Variants in POLR3A observed in about 807,000 individuals in gnomAD.
The protein encoded by POLR3A is DNA-directed RNA polymerase III subunit RPC1.
Under a neutral mutation model 152.8 loss-of-function variants are expected in POLR3A, and 112 were observed. The ratio of observed to expected loss-of-function variants is 0.73; its 90% CI spans 0.63 to 0.86. POLR3A has a LOEUF of 0.86. Among genes scored for constraint, POLR3A ranks in the 40% least tolerant of loss-of-function variants. The pLI is 0.00. For missense variants in POLR3A, 1,385 were observed against 1,743.1 expected (o/e 0.79, Z 3.66); for synonymous variants, 615 against 652.1 (o/e 0.94, Z 0.87).
rs1229404307 is a variant in POLR3A at position 78,029,233 on chromosome 10, G to A, written c.44+131C>T. ...CCAACGCTGGTAGTTCTGGGCGCTG[G>A]TCACACCTATGGACTACTGGCCCTC... is the stretch of plus-strand genomic sequence containing the variant. On this transcript the variant is annotated intron_variant, in intron 1 of 30. Coordinates refer to ENST00000372371, the MANE Select transcript of POLR3A (RefSeq NM_007055.4). The A allele has an allele frequency of 1.3e-5, 12 of 922,700 alleles. No individual in the cohort carries two copies. The South Asian group carries it at 1.3e-4, about 10-fold the overall frequency. The allele number at this position is 922,700 out of a possible 1,614,324, so 57.2% of individuals were successfully genotyped here.
intron 17 of POLR3A, 99 bp from the exon 18 acceptor site, chr10:78,001,193 C>T (rs906531219): frequency 9.9e-5 from 68 of 687,306 alleles, no homozygotes; most frequent in Middle Eastern, 2.5e-4. Context: ...GGCCCTTATG[C>T]TCAATGAGGT....
Position 77,982,727 on chromosome 10 carries a change from A to G in POLR3A, c.3520T>C (p.Cys1174Arg). ...DVAVHGEAVV[C>R]VTPRENSKSS... is the part of the protein sequence containing the mutation. ...TTGCTGTTCTCTCTGGGGGTGACAC[A>G]CACCACAGCCTCACCATGAACAGCC... is the stretch of plus-strand genomic sequence containing the variant. The change falls in exon 27 of 31, where the codon TGT becomes CGT. Residue 1174 changes from cysteine (C) to arginine (R), a missense_variant. By Grantham distance (180) the Cys-to-Arg change is radical (BLOSUM62 -3). Transcript: ENST00000372371. 1.2e-6 allele frequency: 2 copies of G among 1,613,790 alleles called. No homozygotes were observed. Among genetic ancestry groups the G allele is most frequent in the Non-Finnish European group, 1.7e-6 (2 of 1,179,772 alleles).
At chr10:77,984,511 T>C (rs1847179354) in intron 24 of POLR3A, among the ~76,000 whole-genome samples, 1 of 152,054 alleles carries the variant, frequency 6.6e-6, no homozygotes. Context: ...GCCCAGCTAA[T>C]TTTTTGTATT....
At position 78,029,472 on chromosome 10, in the gene POLR3A, G is replaced by A. The variant is rs931403280; in HGVS notation, c.-65C>T. On this transcript the variant is annotated 5_prime_UTR_variant, in exon 1 of 31. Coordinates refer to ENST00000372371, the MANE Select transcript of POLR3A (RefSeq NM_007055.4). ...CCAGATTAGAGAAACGATGCCCCCA[G>A]CACCTCCTGGGGCTGCTTCTGGACT... 5.2e-6 allele frequency: 8 copies of A among 1,549,126 alleles called. No individual in the cohort carries two copies. The African/African-American group carries it at 8.1e-5, about 16-fold the overall frequency.
intron 19 of POLR3A, among the ~76,000 whole-genome samples, chr10:77,994,705 G>A (rs1213259175): frequency 2.0e-5 from 3 of 152,086 alleles, no homozygotes; most frequent in Non-Finnish European, 2.9e-5. Context: ...TGAAAGTGAC[G>A]GGGAGAAGGG....
chr10:78,026,407 A>C (rs973468335), intron 1 of POLR3A, among the ~76,000 whole-genome samples, 178 bp from the exon 2 acceptor site: 1 of 151,972 alleles, frequency 6.6e-6, no homozygotes, highest in East Asian at 1.9e-4. Context: ...CCTTCATCTT[A>C]CTGGAATCCA....
intron 19 of POLR3A, 135 bp from the exon 20 acceptor site, chr10:77,993,502 TAA>T: frequency 1.4e-6 from 1 of 715,376 alleles, no homozygotes; most frequent in Non-Finnish European, 2.5e-6. Context: ...AGAAACCCTT[TAA>T]AAAGAGTCCT....
At chr10:78,004,284 C>T (rs1386143672) in intron 16 of POLR3A, among the ~76,000 whole-genome samples, 1 of 152,012 alleles carries the variant, frequency 6.6e-6, no homozygotes, top group Non-Finnish European at 1.5e-5. Context: ...AAACCAAACC[C>T]CCAAAAACCA....
At position 78,004,734 on chromosome 10, in the gene POLR3A, A is replaced by G. The variant is rs774571172; in HGVS notation, c.2229T>C (p.Thr743=). 2 of 1,613,612 alleles carry G rather than the reference A, an allele frequency of 1.2e-6. No homozygotes were observed. Among genetic ancestry groups the G allele is most frequent in the Admixed American group, 3.3e-5 (2 of 60,012 alleles). ...GGCTCACCTCCAGGGTCTCCTCAGCAGTGCAGCCAGGCTGCTGCTGCAGCT... is the reference window on the plus strand; with the variant it reads ...GGCTCACCTCCAGGGTCTCCTCAGCGGTGCAGCCAGGCTGCTGCTGCAGCT... The part of the protein sequence containing the change: ...TGKLQQQPGC[T]AEETLEALIL... The change falls in exon 16 of 31, where the codon ACT becomes ACC. Residue 743 remains threonine (T), a synonymous_variant. Coordinates refer to ENST00000372371, the MANE Select transcript of POLR3A (RefSeq NM_007055.4).
rs1847584473 is a variant in POLR3A at position 78,021,989 on chromosome 10, T to A, written c.919A>T (p.Met307Leu). The change falls in exon 7 of 31, where the codon ATG becomes TTG. Residue 307 changes from methionine to leucine, a missense_variant. Physicochemically the swap from Met to Leu is conservative, Grantham distance 15. This residue lies in a region of POLR3A where 493 missense variants were observed against 647.5 expected (regional missense o/e 0.76). Coordinates refer to ENST00000372371, the MANE Select transcript of POLR3A (RefSeq NM_007055.4). Reference protein sequence around the residue: ...RISGAKTQMIMEDWDFLQLQC... With the variant: ...RISGAKTQMILEDWDFLQLQC... ...AGCTGCAGGAAATCCCAGTCCTCCA[T>A]GATCATCTGGGTCTTGGCTCCTGAG... 1 of 1,614,054 alleles carries A rather than the reference T, an allele frequency of 6.2e-7. No homozygotes were observed. The highest frequency in any genetic ancestry group is 8.5e-7 in the Non-Finnish European group (1 of 1,180,038).
intron 20 of POLR3A, among the ~76,000 whole-genome samples, chr10:77,992,275 CTTT>C (rs879321306): frequency 1.4e-5 from 2 of 141,242 alleles, no homozygotes; most frequent in African/African-American, 5.2e-5. Context: ...TTTTTTTCAT[CTTT>C]TTTTTTTTTT....
intron 30 of POLR3A, among the ~76,000 whole-genome samples, 177 bp from the exon 31 acceptor site, chr10:77,977,803 C>G (rs1847104102): frequency 6.6e-6 from 1 of 152,114 alleles, no homozygotes. Flanking sequence ...CTGTGGAGTG[C>G]AGACAGGGGG....
At position 78,021,930 on chromosome 10, in the gene POLR3A, C is replaced by G; in HGVS notation, c.978G>C (p.Ser326=). The G allele has an allele frequency of 6.2e-7, 1 of 1,614,094 alleles. No individual in the cohort carries two copies. The highest frequency in any genetic ancestry group is 8.5e-7 in the Non-Finnish European group (1 of 1,180,022). Residue 326 remains serine, a synonymous_variant, in exon 7 of 31, where the codon TCG becomes TCC. Transcript: ENST00000372371. Reference sequence around the variant, plus strand: ...TGGGTGCCATGTTGAGGGGAATGCCCGAGAGCTCACTGTTAATGTAGAGGG... The same window carrying G: ...TGGGTGCCATGTTGAGGGGAATGCCGGAGAGCTCACTGTTAATGTAGAGGG... ...QCALYINSEL[S]GIPLNMAPKK...
chr10:77,982,741 C>A lies in POLR3A; in HGVS notation c.3506G>T (p.Gly1169Val). The A allele has an allele frequency of 4.3e-6, 7 of 1,613,856 alleles. No homozygotes were observed. The highest frequency in any genetic ancestry group is 5.9e-6 in the Non-Finnish European group (7 of 1,179,842). Residue 1169 changes from glycine (G) to valine (V), a missense_variant, in exon 27 of 31, where the codon GGT (glycine) becomes GTT (valine). Gly to Val is a moderately radical substitution (Grantham distance 109). Coordinates refer to ENST00000372371, the MANE Select transcript of POLR3A (RefSeq NM_007055.4). ...GGGGGTGACACACACCACAGCCTCA[C>A]CATGAACAGCCACATCACCGGGCTT... ...RVKPGDVAVH[G>V]EAVVCVTPRE...
chr10:78,023,443 G>T (rs892438726), intron 5 of POLR3A, among the ~76,000 whole-genome samples: 1 of 151,866 alleles, frequency 6.6e-6, no homozygotes, highest in Admixed American at 6.6e-5. Flanking sequence ...CTGGGTGACT[G>T]AGCAACTCTG....
At chr10:78,029,026 C>T (rs909301155) in intron 1 of POLR3A, among the ~76,000 whole-genome samples, 3 of 152,116 alleles carry the variant, frequency 2.0e-5, no homozygotes, top group Non-Finnish European at 2.9e-5. Flanking sequence ...CCAGATTGCT[C>T]CCCTCGCTGC....
chr10:77,977,493 G>C lies in POLR3A; in HGVS notation c.4158C>G (p.Ile1386Met), dbSNP rs771475012. Residue 1386 changes from isoleucine (I) to methionine (M), a missense_variant, in exon 31 of 31, where the codon ATC becomes ATG. Ile to Met is a conservative substitution (Grantham distance 10). Transcript: ENST00000372371. ...PLIFDTNEFH[I>M]PLVT ...TTTCTTTGGACTATGTGACAAGGGG[G>C]ATGTGGAATTCATTTGTGTCGAAGA... The C allele has an allele frequency of 1.9e-6, 3 of 1,613,960 alleles. No individual in the cohort carries two copies. Among genetic ancestry groups the C allele is most frequent in the Non-Finnish European group, 2.5e-6 (3 of 1,179,994 alleles).
At chr10:78,017,027 A>G (rs1847531242) in intron 10 of POLR3A, among the ~76,000 whole-genome samples, 1 of 152,160 alleles carries the variant, frequency 6.6e-6, no homozygotes, top group African/African-American at 2.4e-5. Context: ...CGTTGCAAAT[A>G]TTAAAAATTT....
Position 77,985,274 on chromosome 10 carries a change from G to A in POLR3A, c.3138C>T (p.Thr1046=). The change falls in exon 24 of 31, where the codon ACC becomes ACT. Residue 1046 remains threonine (T), a synonymous_variant. Transcript: ENST00000372371. ...AGTGGAAAGTCTTCAGGGTCATCTG[G>A]GTGCCTGGCTCACCAATGCTCTGGG... ...LCAQSIGEPG[T]QMTLKTFHFA... The A allele has an allele frequency of 6.2e-7, 1 of 1,613,926 alleles. No homozygotes were observed. Among genetic ancestry groups the A allele is most frequent in the Non-Finnish European group, 8.5e-7 (1 of 1,179,800 alleles).
Sources: allele counts gnomAD v4.1 joint callset (sites outside exome capture counted in the v4.1 genomes callset), GRCh38; gene constraint gnomAD v4.1.1; regional missense constraint gnomAD v4.1.1; transcripts MANE v1.5; gene names NCBI Gene and HGNC (gene_info 2026-07-23, HGNC 2026-07-21).